Variants in RORA observed in about 807,000 individuals in gnomAD.
RORA encodes the protein RAR related orphan receptor A, also known as nuclear receptor ROR-alpha.
A neutral mutation model predicts 69.5 loss-of-function variants in RORA; 7 were observed. The observed-to-expected ratio is 0.10, with a 90% CI of 0.06 to 0.19. RORA has a LOEUF of 0.19. Ranked by LOEUF, RORA falls within the 10% of genes least tolerant of loss-of-function variation. The pLI, the probability that RORA is intolerant of heterozygous loss-of-function variation, is 1.00. For missense variants in RORA, 457 were observed against 663.0 expected (o/e 0.69, Z 3.41); for synonymous variants, 261 against 240.8 (o/e 1.08, Z -0.78).
chr15:61,003,113 C>A (rs1408067212), intron 1 of RORA, among the ~76,000 whole-genome samples: 2 of 142,790 alleles, frequency 1.4e-5, no homozygotes, highest in Admixed American at 1.4e-4. Context: ...CACTGCACTC[C>A]AGACAGAATG....
intron 1 of RORA, among the ~76,000 whole-genome samples, chr15:60,936,836 T>C (rs901700752): frequency 3.9e-5 from 6 of 152,234 alleles, no homozygotes; most frequent in Non-Finnish European, 7.3e-5. Flanking sequence ...ATAGTAGAAA[T>C]GTCCAGTCGT....
At chr15:60,567,703 G>A (rs994441326) in intron 2 of RORA, among the ~76,000 whole-genome samples, 1 of 152,014 alleles carries the variant, frequency 6.6e-6, no homozygotes, top group African/African-American at 2.4e-5. Flanking sequence ...GAGCCACCAG[G>A]CCCAGCCGAT....
At chr15:60,975,401 C>CTTCCTGGATT (rs906262884) in intron 1 of RORA, among the ~76,000 whole-genome samples, 1 of 152,222 alleles carries the variant, frequency 6.6e-6, no homozygotes, top group Non-Finnish European at 1.5e-5. Context: ...AGTCCTGTCA[C>CTTCCTGGATT]TGTCAAGGCA....
At chr15:60,680,764 C>T (rs1166805841) in intron 1 of RORA, among the ~76,000 whole-genome samples, 1 of 152,116 alleles carries the variant, frequency 6.6e-6, no homozygotes, top group Non-Finnish European at 1.5e-5. Context: ...TTTAACTGTG[C>T]ATTCTGTATT....
intron 1 of RORA, among the ~76,000 whole-genome samples, chr15:60,739,168 A>G (rs1444608914): frequency 2.6e-5 from 4 of 152,188 alleles, no homozygotes; most frequent in African/African-American, 9.7e-5. Flanking sequence ...ATCTAATGAA[A>G]AAGTCACTTC....
intron 2 of RORA, among the ~76,000 whole-genome samples, chr15:60,617,570 A>G (rs1245048871): frequency 6.6e-6 from 1 of 151,172 alleles, no homozygotes; most frequent in African/African-American, 2.4e-5. Flanking sequence ...GATTCATAGC[A>G]CAGTGGATGA....
intron 1 of RORA, among the ~76,000 whole-genome samples, chr15:60,796,807 G>A (rs1347171519): frequency 1.3e-5 from 2 of 151,812 alleles, no homozygotes; most frequent in East Asian, 1.9e-4. Context: ...CTGATGAGTC[G>A]ATAGACAAAA....
chr15:60,872,230 C>T (rs909280432), intron 1 of RORA, among the ~76,000 whole-genome samples: 1 of 152,160 alleles, frequency 6.6e-6, no homozygotes, highest in African/African-American at 2.4e-5. Context: ...TGAATACCTA[C>T]ATCTGTGAGA....
intron 1 of RORA, among the ~76,000 whole-genome samples, chr15:60,854,601 G>T (rs1001556348): frequency 4.6e-5 from 7 of 152,184 alleles, no homozygotes; most frequent in South Asian, 2.1e-4. Context: ...CCTTTAGTAG[G>T]TATCAGAAAC....
At chr15:61,000,478 C>A (rs1395001111) in intron 1 of RORA, among the ~76,000 whole-genome samples, 1 of 152,140 alleles carries the variant, frequency 6.6e-6, no homozygotes, top group Non-Finnish European at 1.5e-5. Context: ...ATCAGGATCA[C>A]AGGTTCAAAG....
chr15:60,696,509 A>G (rs138133875), intron 1 of RORA, among the ~76,000 whole-genome samples: 219 of 152,264 alleles, frequency 1.4e-3, no homozygotes, highest in African/African-American at 4.9e-3. Context: ...CTGATTTCCT[A>G]TAGTTTTAAA....
intron 1 of RORA, among the ~76,000 whole-genome samples, chr15:60,945,518 G>A (rs954586187): frequency 6.6e-6 from 1 of 152,188 alleles, no homozygotes; most frequent in Non-Finnish European, 1.5e-5. Context: ...CGAGAACAGT[G>A]CTTGTTAGAA....
At chr15:60,945,617 G>A (rs545660039) in intron 1 of RORA, among the ~76,000 whole-genome samples, 1 of 152,276 alleles carries the variant, frequency 6.6e-6, no homozygotes, top group South Asian at 2.1e-4. Context: ...ATAACAATAT[G>A]TTCCATTCAG....
chr15:61,113,979 A>G (rs879823109), intron 1 of RORA, among the ~76,000 whole-genome samples: 4 of 152,232 alleles, frequency 2.6e-5, no homozygotes, highest in Non-Finnish European at 5.9e-5. Flanking sequence ...GGGGAACATT[A>G]CTCACTACAG....
chr15:60,926,329 C>G (rs1383683861), intron 1 of RORA, among the ~76,000 whole-genome samples: 2 of 152,220 alleles, frequency 1.3e-5, no homozygotes, highest in Non-Finnish European at 2.9e-5. Flanking sequence ...TCAGCTGACA[C>G]CTGGCTGTCT....
At chr15:60,631,465 T>C (rs11071546) in intron 2 of RORA, among the ~76,000 whole-genome samples, 71,035 of 151,994 alleles carry the variant, frequency 0.47, 16,669 homozygotes, top group East Asian at 0.58. Context: ...CCAGCTCATA[T>C]CAATTCATTT....
intron 1 of RORA, among the ~76,000 whole-genome samples, chr15:61,175,763 ATG>A (rs1432417420): frequency 6.6e-6 from 1 of 152,120 alleles, no homozygotes; most frequent in African/African-American, 2.4e-5. Flanking sequence ...CACCAAAGTT[ATG>A]TGTTTGCCCA....
intron 1 of RORA, among the ~76,000 whole-genome samples, chr15:60,981,337 T>C (rs190340647): frequency 7.9e-5 from 12 of 152,270 alleles, no homozygotes; most frequent in African/African-American, 2.9e-4. Flanking sequence ...TTTGTATGTA[T>C]AGATTGATAT....
intron 1 of RORA, among the ~76,000 whole-genome samples, chr15:61,113,685 A>G (rs1035596246): frequency 2.0e-5 from 3 of 152,120 alleles, no homozygotes; most frequent in African/African-American, 7.2e-5. Flanking sequence ...ACACACATGC[A>G]CACACACACG....
Sources: gnomAD v4.1 joint callset for allele counts (sites outside exome capture counted in the v4.1 genomes callset) on GRCh38, gnomAD v4.1.1 for gene constraint, MANE v1.5 for transcripts, NCBI Gene and HGNC (gene_info 2026-07-23, HGNC 2026-07-21) for gene names.